Variants in GABRB1 observed in about 807,000 individuals in gnomAD.
GABRB1 encodes the protein gamma-aminobutyric acid receptor subunit beta-1.
A neutral mutation model predicts 51.6 loss-of-function variants in GABRB1; 17 were observed. The ratio of observed to expected loss-of-function variants is 0.33; its 90% CI spans 0.23 to 0.49. The LOEUF is 0.49. Ranked by LOEUF, GABRB1 falls within the 20% of genes least tolerant of loss-of-function variation. GABRB1 has a pLI of 0.99. For missense variants in GABRB1, 410 were observed against 600.6 expected (o/e 0.68, Z 3.32); for synonymous variants, 247 against 218.9 (o/e 1.13, Z -1.14).
intron 4 of GABRB1, among the ~76,000 whole-genome samples, chr4:47,176,584 A>G (rs956619117): frequency 2.6e-5 from 4 of 152,046 alleles, no homozygotes; most frequent in Non-Finnish European, 2.9e-5. Context: ...CAGAAGTTTG[A>G]GGTCTAAGAG....
At position 47,400,546 on chromosome 4, in the gene GABRB1, C is replaced by CTCTCTCTCTCTT. The variant is rs10684391; in HGVS notation, c.545-2764_545-2763insTCTTTCTCTCTC. Reference sequence around the variant, plus strand: ...AGGTAGTCTCTCTCTCTCTCTCTCTCTCTCTCTCAGTGACCCAACCTGCCT... The same window carrying CTCTCTCTCTCTT: ...AGGTAGTCTCTCTCTCTCTCTCTCTCTCTCTCTCTCTTTCTCTCTCAGTGACCCAACCTGCCT... On this transcript the variant is annotated intron_variant, in intron 5 of 8. Transcript: ENST00000295454. Among the ~76,000 whole-genome samples the CTCTCTCTCTCTT allele has an allele frequency of 2.6e-3, 389 of 150,830 alleles. 2 individuals are homozygous for CTCTCTCTCTCTT. The highest frequency in any genetic ancestry group is 3.5e-3 in the Non-Finnish European group (235 of 67,686).
At chr4:47,127,906 G>A (rs990718266) in intron 3 of GABRB1, among the ~76,000 whole-genome samples, 13 of 151,194 alleles carry the variant, frequency 8.6e-5, no homozygotes, top group African/African-American at 2.9e-4. Context: ...AAAATATAAC[G>A]CTAAAAGTTT....
At chr4:47,064,824 T>G (rs1052610411) in intron 3 of GABRB1, among the ~76,000 whole-genome samples, 1 of 152,108 alleles carries the variant, frequency 6.6e-6, no homozygotes, top group Admixed American at 6.6e-5. Context: ...GTTTTTAGTG[T>G]GTAGAGGGTG....
intron 4 of GABRB1, among the ~76,000 whole-genome samples, chr4:47,224,511 A>T (rs1357250942): frequency 6.6e-6 from 1 of 152,024 alleles, no homozygotes; most frequent in Non-Finnish European, 1.5e-5. Context: ...AGGTAGAAGG[A>T]TTCTTGCTAA....
chr4:47,044,967 A>G (rs1726022823), intron 3 of GABRB1, among the ~76,000 whole-genome samples: 1 of 152,108 alleles, frequency 6.6e-6, no homozygotes, highest in African/African-American at 2.4e-5. Flanking sequence ...TGGTCCTTCC[A>G]TACCTCTCTA....
chr4:47,042,433 TATATATAA>T (rs1314507129), intron 3 of GABRB1, among the ~76,000 whole-genome samples: 2 of 144,670 alleles, frequency 1.4e-5, no homozygotes, highest in African/African-American at 2.5e-5. Context: ...TATATATATA[TATATATAA>T]AATACGTGTG....
At chr4:47,425,480 T>TGATAGATGATA (rs1553884620) in intron 8 of GABRB1, among the ~76,000 whole-genome samples, 194 bp from the exon 9 acceptor site, 11 of 142,318 alleles carry the variant, frequency 7.7e-5, no homozygotes, top group Non-Finnish European at 1.1e-4. Flanking sequence ...TGGATGATGA[T>TGATAGATGATA]GATAGATAGA....
chr4:47,029,120 T>C (rs368030713), upstream of GABRB1, among the ~76,000 whole-genome samples: 1 of 151,736 alleles, frequency 6.6e-6, no homozygotes, highest in South Asian at 2.1e-4. Flanking sequence ...TTGTTGCCAG[T>C]TTTGCACTAC....
At chr4:47,125,425 CAAATT>C (rs1716075952) in intron 3 of GABRB1, among the ~76,000 whole-genome samples, 1 of 151,434 alleles carries the variant, frequency 6.6e-6, no homozygotes, top group Non-Finnish European at 1.5e-5. Context: ...AACATATAGT[CAAATT>C]AAAAATACTC....
intron 3 of GABRB1, among the ~76,000 whole-genome samples, chr4:47,056,038 A>G (rs1553912492): frequency 2.0e-5 from 3 of 152,206 alleles, no homozygotes; most frequent in African/African-American, 4.8e-5. Context: ...AGTATCTTCT[A>G]TGGAAATGGT....
chr4:47,245,001 G>A (rs1186315994), intron 4 of GABRB1, among the ~76,000 whole-genome samples: 1 of 152,100 alleles, frequency 6.6e-6, no homozygotes, highest in Non-Finnish European at 1.5e-5. Context: ...GATCAGAGCA[G>A]AACTGAAGGA....
intron 4 of GABRB1, among the ~76,000 whole-genome samples, chr4:47,185,389 C>T (rs1577982975): frequency 6.6e-6 from 1 of 151,826 alleles, no homozygotes; most frequent in Non-Finnish European, 1.5e-5. Flanking sequence ...AAGACTACTG[C>T]TTCTTGTAAG....
intron 5 of GABRB1, among the ~76,000 whole-genome samples, chr4:47,345,754 A>T (rs1233419189): frequency 6.6e-6 from 1 of 152,170 alleles, no homozygotes; most frequent in Non-Finnish European, 1.5e-5. Flanking sequence ...TCCGGACCTC[A>T]TGTCACTGGT....
intron 4 of GABRB1, among the ~76,000 whole-genome samples, chr4:47,296,415 T>C (rs1723995526): frequency 6.6e-6 from 1 of 151,968 alleles, no homozygotes; most frequent in Non-Finnish European, 1.5e-5. Flanking sequence ...TGGAGGAAGA[T>C]CTACCAAGCA....
chr4:47,122,920 G>A (rs1384212894), intron 3 of GABRB1, among the ~76,000 whole-genome samples: 1 of 152,134 alleles, frequency 6.6e-6, no homozygotes, highest in Non-Finnish European at 1.5e-5. Flanking sequence ...TGAAATGACT[G>A]GTAGAATACT....
chr4:47,359,505 A>G (rs527861055), intron 5 of GABRB1, among the ~76,000 whole-genome samples: 1 of 152,140 alleles, frequency 6.6e-6, no homozygotes, highest in African/African-American at 2.4e-5. Context: ...ATAATCATAG[A>G]GAGTACTTTT....
chr4:47,096,758 T>C (rs1015418137), intron 3 of GABRB1, among the ~76,000 whole-genome samples: 2 of 152,154 alleles, frequency 1.3e-5, no homozygotes, highest in East Asian at 1.9e-4. Context: ...AGATGTGATG[T>C]TGCAAACTTT....
At chr4:47,055,099 T>C (rs1726532623) in intron 3 of GABRB1, among the ~76,000 whole-genome samples, 1 of 152,174 alleles carries the variant, frequency 6.6e-6, no homozygotes, top group Admixed American at 6.5e-5. Context: ...ATATATTCAG[T>C]TTCTAAAACT....
chr4:47,377,307 G>C (rs2110025076), intron 5 of GABRB1, among the ~76,000 whole-genome samples: 1 of 152,216 alleles, frequency 6.6e-6, no homozygotes. Context: ...TGGGTTCTTG[G>C]TCTCACTGAC....
Sources: allele counts gnomAD v4.1 joint callset (sites outside exome capture counted in the v4.1 genomes callset), GRCh38; gene constraint gnomAD v4.1.1; transcripts MANE v1.5; gene names NCBI Gene and HGNC (gene_info 2026-07-23, HGNC 2026-07-21).